CASK: variants seen among roughly 807,000 people sequenced by gnomAD.
The protein encoded by CASK is peripheral plasma membrane protein CASK.
A neutral mutation model predicts 82.9 loss-of-function variants in CASK; 4 were observed. That is an observed-to-expected ratio of 0.05 (90% CI 0.02 to 0.11). The LOEUF is 0.11. CASK is among the 10% of genes least tolerant of loss of function. The probability of loss-of-function intolerance (pLI) is 1.00; values close to 1 mark genes in which losing one functional copy is unlikely to be tolerated. For missense variants in CASK, 358 were observed against 720.9 expected, an observed-to-expected ratio of 0.50 and a Z score of 5.76; for synonymous variants, 259 against 253.5, an observed-to-expected ratio of 1.02 and a Z score of -0.20.
At chrX:41,862,754 A>T (rs1342372312) in intron 1 of CASK, among the ~76,000 whole-genome samples, 1 of 110,938 alleles carries the variant, frequency 9.0e-6, no homozygotes. Context: ...AGTAAAGGCG[A>T]CAGAGAGATA....
intron 5 of CASK, among the ~76,000 whole-genome samples, chrX:41,695,245 TAC>T (rs1224649411): frequency 6.3e-5 from 7 of 110,986 alleles, no homozygotes; most frequent in Non-Finnish European, 9.4e-5. Context: ...TGTTACTACA[TAC>T]AGTAGGATAA....
At chrX:41,831,617 T>C (rs1036176807) in intron 2 of CASK, among the ~76,000 whole-genome samples, 3 of 112,379 alleles carry the variant, frequency 2.7e-5, no homozygotes, top group Non-Finnish European at 5.6e-5. Context: ...TTTAATTATA[T>C]AGTAAATTAT....
chrX:41,525,954 C>A (rs2064706394), intron 25 of CASK, among the ~76,000 whole-genome samples: 1 of 112,044 alleles, frequency 8.9e-6, no homozygotes, highest in African/African-American at 3.2e-5. Context: ...AAGTCCTAGG[C>A]TCTGATTCTT....
At chrX:41,725,570 G>A (rs898410232) in intron 5 of CASK, among the ~76,000 whole-genome samples, 2 of 111,585 alleles carry the variant, frequency 1.8e-5, no homozygotes, top group Non-Finnish European at 3.8e-5. Flanking sequence ...TAGAGATCAT[G>A]GTTCTTATTT....
chrX:41,885,722 T>C (rs769047352), intron 1 of CASK, among the ~76,000 whole-genome samples: 15 of 111,975 alleles, frequency 1.3e-4, no homozygotes, highest in Non-Finnish European at 2.6e-4. Flanking sequence ...ACGAGAACTC[T>C]ACTAAGATTT....
Position 41,677,245 on chromosome X carries a change from G to A in CASK, c.430-5715C>T, listed in dbSNP as rs766604804. On this transcript the variant is annotated intron_variant, in intron 5 of 26. Coordinates refer to ENST00000378163, the MANE Select transcript of CASK (RefSeq NM_001367721.1). The stretch of plus-strand genomic sequence containing the variant: ...TTAAGGGGAAGCTGGGATTAGAGGT[G>A]TAAATTTGGGAATCAACAGTACACA... 9.9e-5 allele frequency among the ~76,000 whole-genome samples: 11 copies of A among 110,743 alleles called. No individual in the cohort carries two copies. The East Asian group carries it at 2.3e-3, about 23-fold the overall frequency.
At chrX:41,648,905 G>C (rs1404576148) in intron 8 of CASK, among the ~76,000 whole-genome samples, 1 of 111,325 alleles carries the variant, frequency 9.0e-6, no homozygotes, top group African/African-American at 3.3e-5. Context: ...TGCTTGGTAG[G>C]CTATTAATTA....
At chrX:41,586,629 C>G in intron 14 of CASK, 1 of 236,781 alleles carries the variant, frequency 4.2e-6, no homozygotes, top group Non-Finnish European at 7.6e-6. Context: ...ATAAACAGTT[C>G]CAGTGACTAA....
intron 5 of CASK, among the ~76,000 whole-genome samples, chrX:41,718,739 T>A (rs749374422): frequency 4.5e-5 from 5 of 112,140 alleles, no homozygotes; most frequent in Admixed American, 9.5e-5. Flanking sequence ...GAAATTGATA[T>A]GAGGCCAAAA....
At chrX:41,822,332 C>A (rs1356868799) in intron 2 of CASK, among the ~76,000 whole-genome samples, 2 of 109,709 alleles carry the variant, frequency 1.8e-5, no homozygotes, top group Non-Finnish European at 3.8e-5. Flanking sequence ...CCGAGGCGGG[C>A]GGACTGCCTG....
At chrX:41,699,087 C>T (rs1039831300) in intron 5 of CASK, among the ~76,000 whole-genome samples, 2 of 109,871 alleles carry the variant, frequency 1.8e-5, no homozygotes, top group East Asian at 2.8e-4. Context: ...CCACCATGAC[C>T]GGCTGTTTTG....
chrX:41,552,325 A>C, intron 21 of CASK, among the ~76,000 whole-genome samples: 1 of 109,994 alleles, frequency 9.1e-6, no homozygotes, highest in Non-Finnish European at 1.9e-5. Context: ...CATCAGGAGG[A>C]TTTATCCAAA....
At chrX:41,730,360 C>CA (rs1329437432) in intron 5 of CASK, among the ~76,000 whole-genome samples, 2 of 111,008 alleles carry the variant, frequency 1.8e-5, no homozygotes, top group African/African-American at 3.3e-5. Flanking sequence ...AACAAACAAA[C>CA]AAAAAACCAC....
chrX:41,804,310 T>C (rs763226241), intron 2 of CASK, among the ~76,000 whole-genome samples: 1 of 111,468 alleles, frequency 9.0e-6, no homozygotes, highest in Admixed American at 9.5e-5. Flanking sequence ...ATCACACCAC[T>C]GCACTCCAGC....
At chrX:41,772,266 A>C (rs1174844893) in intron 3 of CASK, among the ~76,000 whole-genome samples, 2 of 101,381 alleles carry the variant, frequency 2.0e-5, no homozygotes, top group African/African-American at 7.4e-5. Flanking sequence ...TGGGAGAATC[A>C]CTTGAACCTG....
At chrX:41,876,994 T>C (rs949009575) in intron 1 of CASK, among the ~76,000 whole-genome samples, 5 of 111,747 alleles carry the variant, frequency 4.5e-5, no homozygotes, top group Non-Finnish European at 7.5e-5. Context: ...AGTTCTAGCT[T>C]TGCAACTAAC....
chrX:41,913,694 G>A lies in CASK; in HGVS notation c.59+9236C>T, dbSNP rs750243406. 1.6e-4 allele frequency among the ~76,000 whole-genome samples: 18 copies of A among 112,416 alleles called. No homozygotes were observed. In the East Asian group the frequency reaches 3.6e-3, roughly 23 times the overall value. On this transcript the variant is annotated intron_variant, in intron 1 of 26. Transcript: ENST00000378163. ...ACATTTGGAAATTGTTGAAACTTAC[G>A]TACATAACTGCCAAAAGTAATTTGA...
intron 11 of CASK, among the ~76,000 whole-genome samples, chrX:41,610,971 C>G (rs2066035786): frequency 8.9e-6 from 1 of 112,216 alleles, no homozygotes; most frequent in African/African-American, 3.2e-5. Flanking sequence ...TCTCATTGCA[C>G]ATTTAAGTCT....
intron 11 of CASK, among the ~76,000 whole-genome samples, chrX:41,611,910 G>C (rs1390448752): frequency 9.0e-6 from 1 of 111,442 alleles, no homozygotes; most frequent in Non-Finnish European, 1.9e-5. Flanking sequence ...TGTGTTGGCC[G>C]GGCTGGTCTC....
Sources: gnomAD v4.1 joint callset for allele counts (sites outside exome capture counted in the v4.1 genomes callset) on GRCh38, gnomAD v4.1.1 for gene constraint, MANE v1.5 for transcripts, NCBI Gene and HGNC (gene_info 2026-07-23, HGNC 2026-07-21) for gene names.